The following CADPS variants were observed in gnomAD, a reference collection of about 807,000 sequenced individuals.
CADPS encodes the protein calcium-dependent secretion activator 1.
Under a neutral mutation model 167.3 loss-of-function variants are expected in CADPS, and 57 were observed. The observed-to-expected ratio is 0.34, with a 90% CI of 0.28 to 0.42. CADPS has a LOEUF of 0.42. Ranked by LOEUF, CADPS falls within the 20% of genes least tolerant of loss-of-function variation. CADPS has a pLI of 1.00. For missense variants in CADPS, 1,414 were observed against 1,738.1 expected, an observed-to-expected ratio of 0.81 and a Z score of 3.32; for synonymous variants, 676 against 635.3, an observed-to-expected ratio of 1.06 and a Z score of -0.96.
At chr3:62,704,089 C>T (rs67473303) in intron 3 of CADPS, among the ~76,000 whole-genome samples, 27,878 of 152,002 alleles carry the variant, frequency 0.18, 2,769 homozygotes, top group Middle Eastern at 0.22. Flanking sequence ...GCAATGAATG[C>T]GTCAAACAAG....
At chr3:62,645,343 T>C (rs2068315830) in intron 6 of CADPS, among the ~76,000 whole-genome samples, 1 of 152,120 alleles carries the variant, frequency 6.6e-6, no homozygotes, top group South Asian at 2.1e-4. Context: ...CAAAAATATA[T>C]GGAAATGAAA....
chr3:62,594,381 T>G (rs9825903), intron 6 of CADPS, among the ~76,000 whole-genome samples: 6,354 of 152,032 alleles, frequency 0.042, 468 homozygotes, highest in African/African-American at 0.14. Flanking sequence ...CGGGATGGTC[T>G]CGATCTCCTG....
chr3:62,825,070 T>C (rs961749010), intron 1 of CADPS, among the ~76,000 whole-genome samples: 3 of 152,212 alleles, frequency 2.0e-5, no homozygotes, highest in African/African-American at 4.8e-5. Flanking sequence ...AAATTGGCTA[T>C]GGACACTTGT....
At chr3:62,682,534 A>T (rs1288209247) in intron 3 of CADPS, among the ~76,000 whole-genome samples, 1 of 152,058 alleles carries the variant, frequency 6.6e-6, no homozygotes, top group East Asian at 1.9e-4. Flanking sequence ...AAACTAGTCC[A>T]TTTGAATACT....
At position 62,486,420 on chromosome 3, in the gene CADPS, G is replaced by A. The variant is rs1457304766; in HGVS notation, c.3027-4551C>T. Reference sequence around the variant, plus strand: ...AGACAGCACCACTGCACTCCAGCCTGGGCGACAGAGCAAGACTCCGTCTCA... The same window carrying A: ...AGACAGCACCACTGCACTCCAGCCTAGGCGACAGAGCAAGACTCCGTCTCA... On this transcript the variant is annotated intron_variant, in intron 21 of 29. Transcript: ENST00000383710. 1.0e-4 allele frequency among the ~76,000 whole-genome samples: 15 copies of A among 146,574 alleles called. No individual in the cohort carries two copies. In the East Asian group the frequency reaches 2.9e-3, roughly 29 times the overall value.
At chr3:62,565,696 G>C (rs1371746757) in intron 9 of CADPS, among the ~76,000 whole-genome samples, 5 of 152,154 alleles carry the variant, frequency 3.3e-5, no homozygotes, top group African/African-American at 1.2e-4. Flanking sequence ...CAGTTGGTAG[G>C]GTAGACTCTA....
intron 3 of CADPS, among the ~76,000 whole-genome samples, chr3:62,742,680 A>T (rs2080534771): frequency 6.6e-6 from 1 of 152,230 alleles, no homozygotes; most frequent in South Asian, 2.1e-4. Context: ...ACCCTGGAAG[A>T]CAACCTAGGC....
At chr3:62,605,922 A>G (rs1289001776) in intron 6 of CADPS, among the ~76,000 whole-genome samples, 3 of 152,196 alleles carry the variant, frequency 2.0e-5, no homozygotes, top group Non-Finnish European at 4.4e-5. Context: ...GTGTTTTCTC[A>G]GTCTGAGAAA....
rs1022088176 is a variant in CADPS, at chr3:62,874,546, C to G, written c.441+43G>C. ...CCCATTGTTCACCCCGCCCGCCTGG[C>G]GACGTCCGGGTGCTGCTCCCTGGGC... On this transcript the variant is annotated intron_variant, in intron 1 of 29. Coordinates refer to ENST00000383710, the MANE Select transcript of CADPS (RefSeq NM_003716.4). This position sits in a 1 kb window ranked among gnomAD's most constrained non-coding sequence, Gnocchi z 7.1. 1.4e-6 allele frequency: 2 copies of G among 1,452,502 alleles called. No homozygotes were observed. The highest frequency in any genetic ancestry group is 2.0e-5 in the Admixed American group (1 of 49,568). 90.0% of individuals were successfully genotyped at this position (1,452,502 alleles called of 1,614,324 possible).
chr3:62,537,062 G>A lies in CADPS; in HGVS notation c.1967-481C>T, dbSNP rs796451255. 9.2e-5 allele frequency among the ~76,000 whole-genome samples: 14 copies of A among 152,130 alleles called. 1 individual carries two copies. The highest frequency in any genetic ancestry group is 2.9e-4 in the African/African-American group (12 of 41,516). On this transcript the variant is annotated intron_variant, in intron 11 of 29. Transcript: ENST00000383710. ...TCAGCAAAGTGACAATATTTATATCGTCTTCTTCCAAATCCCCATTGCCAA... is the reference window on the plus strand; with the variant it reads ...TCAGCAAAGTGACAATATTTATATCATCTTCTTCCAAATCCCCATTGCCAA...
chr3:62,870,147 A>G (rs2082363507), intron 1 of CADPS, among the ~76,000 whole-genome samples: 1 of 152,128 alleles, frequency 6.6e-6, no homozygotes, highest in African/African-American at 2.4e-5. Flanking sequence ...GGGAGGGGAG[A>G]ATGCCAACAA....
intron 3 of CADPS, among the ~76,000 whole-genome samples, chr3:62,719,818 G>A (rs983989911): frequency 2.6e-5 from 4 of 152,174 alleles, no homozygotes; most frequent in Non-Finnish European, 5.9e-5. Context: ...GAGCACGGTA[G>A]GATTTGACTA....
chr3:62,613,048 A>T (rs2061714207), intron 6 of CADPS, among the ~76,000 whole-genome samples: 1 of 152,218 alleles, frequency 6.6e-6, no homozygotes, highest in South Asian at 2.1e-4. Context: ...AGGCAGGACC[A>T]CATTAGATGG....
chr3:62,532,725 G>C lies in CADPS; in HGVS notation c.2291+146C>G, dbSNP rs1269460556. The C allele has an allele frequency of 3.9e-5, 15 of 384,778 alleles. No homozygotes were observed. The Admixed American group carries it at 5.4e-4, about 14-fold the overall frequency. 23.8% of individuals were successfully genotyped at this position (384,778 alleles called of 1,614,324 possible). A position where few individuals can be genotyped will look rare whatever the true frequency, so the allele number is the denominator to read the frequency against. On this transcript the variant is annotated intron_variant, in intron 13 of 29. Coordinates refer to ENST00000383710, the MANE Select transcript of CADPS (RefSeq NM_003716.4). Reference sequence around the variant, plus strand: ...AAGAAAGTTAGTGCCCTTTGTGTGTGTGTGTGTGTGTGTGTGTGTGTGTGT... The same window carrying C: ...AAGAAAGTTAGTGCCCTTTGTGTGTCTGTGTGTGTGTGTGTGTGTGTGTGT...
Position 62,474,138 on chromosome 3 carries a change from G to GA in CADPS, c.3477+34dup, listed in dbSNP as rs769486045. 3,183 of 988,716 alleles carry GA rather than the reference G, an allele frequency of 3.2e-3. 41 individuals carry two copies. In the African/African-American group the frequency reaches 0.057, roughly 18 times the overall value. The allele number at this position is 988,716 out of a possible 1,614,324, so 61.2% of individuals were successfully genotyped here. On this transcript the variant is annotated intron_variant, in intron 24 of 29. Transcript: ENST00000383710. The stretch of plus-strand genomic sequence containing the variant: ...TTCTTCTACATGATCAATGAAGAGG[G>GA]AAAAAAAAATCTGTATTTTTTTTTT...
chr3:62,645,254 T>C lies in CADPS; in HGVS notation c.1325+468A>G, dbSNP rs114934088. On this transcript the variant is annotated intron_variant, in intron 6 of 29. Transcript: ENST00000383710. Reference sequence around the variant, plus strand: ...GACTACAAACTGGGTTCAGTATATATTGCTCGGGTGATGACACCAAGATCT... The same window carrying C: ...GACTACAAACTGGGTTCAGTATATACTGCTCGGGTGATGACACCAAGATCT... Among the ~76,000 whole-genome samples the C allele has an allele frequency of 4.7e-3, 722 of 152,238 alleles. 6 individuals are homozygous for C. Among genetic ancestry groups the C allele is most frequent in the African/African-American group, 0.016 (651 of 41,534 alleles).
chr3:62,848,633 A>G (rs1467855794), intron 1 of CADPS, among the ~76,000 whole-genome samples: 2 of 112,552 alleles, frequency 1.8e-5, no homozygotes, highest in Non-Finnish European at 3.6e-5. Flanking sequence ...TGTTCCATTG[A>G]TCTATATCTC....
chr3:62,742,529 G>A (rs1363047357), intron 3 of CADPS, among the ~76,000 whole-genome samples: 2 of 152,148 alleles, frequency 1.3e-5, no homozygotes, highest in Non-Finnish European at 2.9e-5. Context: ...AATGGCAAAG[G>A]ATTCCCTATT....
intron 3 of CADPS, among the ~76,000 whole-genome samples, chr3:62,689,249 T>C (rs999538597): frequency 6.6e-6 from 1 of 152,080 alleles, no homozygotes; most frequent in Non-Finnish European, 1.5e-5. Flanking sequence ...AATGCATTCC[T>C]CCATTCCATT....
Sources: allele counts gnomAD v4.1 joint callset (sites outside exome capture counted in the v4.1 genomes callset), GRCh38; gene constraint gnomAD v4.1.1; non-coding constraint Gnocchi (gnomAD v3.1); transcripts MANE v1.5; gene names NCBI Gene and HGNC (gene_info 2026-07-23, HGNC 2026-07-21).